EPB41L5: variants seen among roughly 807,000 people sequenced by gnomAD.
EPB41L5 encodes the protein band 4.1-like protein 5.
In EPB41L5, 55 loss-of-function variants were observed where a neutral mutation model predicts 106.6. The ratio of observed to expected loss-of-function variants is 0.52; its 90% CI spans 0.42 to 0.65. The LOEUF (loss-of-function observed/expected upper bound fraction) is 0.65. EPB41L5 is among the 30% of genes least tolerant of loss of function. EPB41L5 has a pLI of 0.00. For missense variants in EPB41L5, 871 were observed against 882.1 expected (o/e 0.99, Z 0.16); for synonymous variants, 297 against 306.7 (o/e 0.97, Z 0.33).
intron 18 of EPB41L5, among the ~76,000 whole-genome samples, chr2:120,132,312 C>T (rs569892349): frequency 6.6e-6 from 1 of 152,228 alleles, no homozygotes; most frequent in South Asian, 2.1e-4. Flanking sequence ...CCAGATGGCC[C>T]CACTAAATGG....
rs577377710 is a variant in EPB41L5 at position 120,146,177 on chromosome 2, T to C, written c.1729-48T>C. On this transcript the variant is annotated intron_variant, in intron 19 of 24. Transcript: ENST00000263713. ...AAGAAATGTAAATTTCTTGTTACTTTAGTATCCTCAATAAAGATTTACTTT... is the reference window on the plus strand; with the variant it reads ...AAGAAATGTAAATTTCTTGTTACTTCAGTATCCTCAATAAAGATTTACTTT... 1.9e-5 allele frequency: 22 copies of C among 1,138,250 alleles called. No individual in the cohort carries two copies. The African/African-American group carries it at 3.0e-4, about 15-fold the overall frequency. The allele number at this position is 1,138,250 out of a possible 1,614,324, so 70.5% of individuals were successfully genotyped here.
chr2:120,154,834 G>T (rs1349629801), intron 20 of EPB41L5, among the ~76,000 whole-genome samples: 2 of 152,116 alleles, frequency 1.3e-5, no homozygotes, highest in African/African-American at 2.4e-5. Flanking sequence ...GCTGAGGCAG[G>T]AGAATGGCGT....
intron 1 of EPB41L5, among the ~76,000 whole-genome samples, chr2:120,018,866 GA>G (rs909686377): frequency 3.9e-5 from 6 of 152,050 alleles, no homozygotes; most frequent in African/African-American, 1.4e-4. Context: ...GGCTGGTCTT[GA>G]ACTCCTGGGC....
chr2:120,115,246 A>C (rs1163696077), intron 16 of EPB41L5, among the ~76,000 whole-genome samples: 1 of 152,152 alleles, frequency 6.6e-6, no homozygotes, highest in Non-Finnish European at 1.5e-5. Flanking sequence ...TTTAACATTT[A>C]CATTCAGTGT....
At chr2:120,042,995 A>ATGTGTGTGTGTGTGTG (rs60253351) in intron 3 of EPB41L5, among the ~76,000 whole-genome samples, 5 of 70,124 alleles carry the variant, frequency 7.1e-5, no homozygotes, top group African/African-American at 1.8e-4. Flanking sequence ...TTTTCTGGAA[A>ATGTGTGTGTGTGTGTG]TGTGTGTGTG....
At chr2:120,107,987 G>T (rs941505772) in intron 16 of EPB41L5, among the ~76,000 whole-genome samples, 1 of 152,164 alleles carries the variant, frequency 6.6e-6, no homozygotes, top group African/African-American at 2.4e-5. Context: ...GAAGAGAAGA[G>T]AAAATTTTAA....
At chr2:120,141,722 A>G (rs959800339) in intron 18 of EPB41L5, among the ~76,000 whole-genome samples, 1 of 152,150 alleles carries the variant, frequency 6.6e-6, no homozygotes, top group Non-Finnish European at 1.5e-5. Context: ...ATTATTAGCT[A>G]GATGATTGCC....
chr2:120,116,506 C>CT (rs1684953250), intron 16 of EPB41L5, among the ~76,000 whole-genome samples: 1 of 151,950 alleles, frequency 6.6e-6, no homozygotes, highest in Non-Finnish European at 1.5e-5. Flanking sequence ...GGAAAATTTT[C>CT]TTAAAAGTAA....
At chr2:120,126,204 A>T (rs1162826775) in intron 16 of EPB41L5, among the ~76,000 whole-genome samples, 2 of 152,140 alleles carry the variant, frequency 1.3e-5, no homozygotes, top group African/African-American at 4.8e-5. Flanking sequence ...TATGCTTTGG[A>T]TAACTAGCCC....
chr2:120,074,790 A>G (rs750457791), intron 5 of EPB41L5, among the ~76,000 whole-genome samples: 1 of 152,158 alleles, frequency 6.6e-6, no homozygotes, highest in Non-Finnish European at 1.5e-5. Flanking sequence ...CACCTTGACA[A>G]TGAGATAGTA....
intron 7 of EPB41L5, 92 bp downstream of exon 7, chr2:120,075,845 A>G: frequency 9.9e-7 from 1 of 1,007,130 alleles, no homozygotes; most frequent in East Asian, 2.4e-5. Flanking sequence ...TGTGCAAGAA[A>G]AGAAACAACA....
At chr2:120,167,849 T>C in intron 23 of EPB41L5, 28 bp from the exon 24 acceptor site, 2 of 1,613,908 alleles carry the variant, frequency 1.2e-6, no homozygotes, top group East Asian at 4.5e-5. Flanking sequence ...TGTTACCCTG[T>C]ATTTAGTTGT....
intron 18 of EPB41L5, 87 bp downstream of exon 18, chr2:120,131,802 T>C (rs1334874996): frequency 1.0e-6 from 1 of 986,996 alleles, no homozygotes; most frequent in Non-Finnish European, 1.6e-6. Context: ...CTTTCTTTTT[T>C]CTTTAGCTGG....
chr2:120,150,306 C>T (rs1190112867), intron 20 of EPB41L5, among the ~76,000 whole-genome samples: 1 of 151,774 alleles, frequency 6.6e-6, no homozygotes, highest in Non-Finnish European at 1.5e-5. Flanking sequence ...TATTCAAGTC[C>T]TTTGCTCATT....
chr2:120,164,611 AT>A (rs1687307913), intron 21 of EPB41L5, among the ~76,000 whole-genome samples: 1 of 152,204 alleles, frequency 6.6e-6, no homozygotes, highest in South Asian at 2.1e-4. Flanking sequence ...CTATTTGAAA[AT>A]TTACATAGCA....
At chr2:120,081,151 G>A (rs1180870599) in intron 10 of EPB41L5, among the ~76,000 whole-genome samples, 3 of 152,098 alleles carry the variant, frequency 2.0e-5, no homozygotes, top group African/African-American at 7.2e-5. Context: ...TGTTGCCATT[G>A]CTTTTGGTGT....
intron 1 of EPB41L5, among the ~76,000 whole-genome samples, chr2:120,014,448 G>A (rs1677371557): frequency 6.6e-6 from 1 of 152,176 alleles, no homozygotes; most frequent in African/African-American, 2.4e-5. Flanking sequence ...CAAGCCAGAC[G>A]AAGTCTTTGT....
intron 1 of EPB41L5, among the ~76,000 whole-genome samples, chr2:120,015,856 A>G (rs1677480025): frequency 6.7e-6 from 1 of 148,488 alleles, no homozygotes; most frequent in African/African-American, 2.5e-5. Flanking sequence ...TCCCTTGAGC[A>G]TGGTAGATGA....
At chr2:120,094,861 A>G (rs1254753765) in intron 14 of EPB41L5, among the ~76,000 whole-genome samples, 2 of 152,120 alleles carry the variant, frequency 1.3e-5, no homozygotes, top group East Asian at 1.9e-4. Context: ...GTGAATGTCA[A>G]AATTTTATTT....
Sources: allele counts gnomAD v4.1 joint callset (sites outside exome capture counted in the v4.1 genomes callset), GRCh38; gene constraint gnomAD v4.1.1; transcripts MANE v1.5; gene names NCBI Gene and HGNC (gene_info 2026-07-23, HGNC 2026-07-21).